PALS2: variants seen among roughly 807,000 people sequenced by gnomAD.
PALS2 encodes the protein protein associated with LIN7 2, MAGUK p55 family member, also known as protein PALS2.
PALS2 carries 27 observed loss-of-function variants against 61.6 expected under a neutral mutation model. That is an observed-to-expected ratio of 0.44 (90% CI 0.32 to 0.60). The LOEUF is 0.60. PALS2 is among the 20% of genes least tolerant of loss of function. PALS2 has a pLI of 0.05. For missense variants in PALS2, 554 were observed against 639.4 expected, an observed-to-expected ratio of 0.87 and a Z score of 1.44; for synonymous variants, 236 against 218.6, an observed-to-expected ratio of 1.08 and a Z score of -0.70.
chr7:24,672,431 A>C (rs749913411), intron 9 of PALS2, among the ~76,000 whole-genome samples: 2 of 151,760 alleles, frequency 1.3e-5, no homozygotes, highest in African/African-American at 4.8e-5. Context: ...TGCTTTCACC[A>C]TGTTGGCCAG....
At position 24,687,412 on chromosome 7, in the gene PALS2, C is replaced by T. The variant is rs1384209711; in HGVS notation, c.1447-26C>T. 6.3e-7 allele frequency: 1 copy of T among 1,582,232 alleles called. No individual in the cohort carries two copies. Among genetic ancestry groups the T allele is most frequent in the South Asian group, 1.1e-5 (1 of 86,960 alleles). On this transcript the variant is annotated intron_variant, in intron 11 of 11. Transcript: ENST00000222644. The surrounding 1 kb of genome is among the most constrained non-coding windows in gnomAD (Gnocchi z 4.5). ...AAGTAAATATGCATTGTAATACAAACATTTCCTTTTAAAACTCTTCAACAG... is the reference window on the plus strand; with the variant it reads ...AAGTAAATATGCATTGTAATACAAATATTTCCTTTTAAAACTCTTCAACAG...
At chr7:24,606,187 TATGAATGAA>T (rs1783891933) in intron 1 of PALS2, among the ~76,000 whole-genome samples, 2 of 152,220 alleles carry the variant, frequency 1.3e-5, no homozygotes, top group Non-Finnish European at 2.9e-5. Context: ...TAAGAATTAC[TATGAATGAA>T]ACTTATTAAC....
chr7:24,671,148 G>C (rs1428267567), intron 9 of PALS2, among the ~76,000 whole-genome samples: 1 of 152,174 alleles, frequency 6.6e-6, no homozygotes, highest in Non-Finnish European at 1.5e-5. Context: ...AATCCCAGCA[G>C]CATATGAAGT....
intron 8 of PALS2, 48 bp from the exon 9 acceptor site, chr7:24,668,451 C>A: frequency 6.6e-7 from 1 of 1,514,668 alleles, no homozygotes; most frequent in South Asian, 1.2e-5. Context: ...AGATTTCTTT[C>A]ATGTATATAA....
rs150900716 is a variant in PALS2 at position 24,640,737 on chromosome 7, G to A, written c.118-979G>A. Among the ~76,000 whole-genome samples, 213 of 151,632 alleles carry A rather than the reference G, an allele frequency of 1.4e-3. No homozygotes were observed. In the South Asian group the frequency reaches 0.017, roughly 12 times the overall value. On this transcript the variant is annotated intron_variant, in intron 2 of 11. Coordinates refer to ENST00000222644, the MANE Select transcript of PALS2 (RefSeq NM_001303037.2). ...ATTAGAATTACTTTCGGCCGAGGGC[G>A]GTGGCTCATGCCTGTAATCCCAGCA...
intron 9 of PALS2, chr7:24,674,643 T>C (rs1279360187): frequency 6.6e-6 from 1 of 152,244 alleles, no homozygotes; most frequent in Non-Finnish European, 1.5e-5. Flanking sequence ...CTTTCACTTG[T>C]GATTGCTTGT....
chr7:24,617,312 T>C (rs1231590503), intron 1 of PALS2, among the ~76,000 whole-genome samples: 1 of 152,218 alleles, frequency 6.6e-6, no homozygotes. Flanking sequence ...ATCATGTATC[T>C]ATTATTTTGT....
chr7:24,602,849 T>A (rs1295368180), intron 1 of PALS2, among the ~76,000 whole-genome samples: 1 of 152,066 alleles, frequency 6.6e-6, no homozygotes, highest in African/African-American at 2.4e-5. Flanking sequence ...ATGAGGGTGG[T>A]TTCCTGTTCT....
intron 3 of PALS2, among the ~76,000 whole-genome samples, chr7:24,644,027 C>G (rs2128073153): frequency 6.6e-6 from 1 of 151,360 alleles, no homozygotes; most frequent in Non-Finnish European, 1.5e-5. Context: ...ATTCTGTTCT[C>G]TATCAACCAT....
chr7:24,587,531 AT>A (rs11310808), intron 1 of PALS2, among the ~76,000 whole-genome samples: 56,681 of 140,854 alleles, frequency 0.4, 11,027 homozygotes, highest in Middle Eastern at 0.47. Context: ...TGCCCAGCTA[AT>A]TTTTTTTTTT....
rs1427630418 is a variant in PALS2 at position 24,641,706 on chromosome 7, A to G, written c.118-10A>G. On this transcript the variant is annotated splice_polypyrimidine_tract_variant and intron_variant, in intron 2 of 11. Coordinates refer to ENST00000222644, the MANE Select transcript of PALS2 (RefSeq NM_001303037.2). The stretch of plus-strand genomic sequence containing the variant: ...AGTATTACTACTTTAATATACTCTT[A>G]TTTTTTCAGGCTCATGAGAGGCTAG... The G allele has an allele frequency of 6.3e-7, 1 of 1,584,890 alleles. No homozygotes were observed. Among genetic ancestry groups the G allele is most frequent in the Non-Finnish European group, 8.6e-7 (1 of 1,167,400 alleles).
chr7:24,653,341 T>A (rs73079918), intron 5 of PALS2, among the ~76,000 whole-genome samples: 3,286 of 151,844 alleles, frequency 0.022, 85 homozygotes, highest in Admixed American at 0.032. Context: ...CAATGATTTT[T>A]AAAAAATGAT....
intron 1 of PALS2, among the ~76,000 whole-genome samples, chr7:24,615,573 A>G (rs1784265885): frequency 6.6e-6 from 1 of 151,920 alleles, no homozygotes; most frequent in Admixed American, 6.6e-5. Context: ...CCAACAATGT[A>G]TGATACGACT....
chr7:24,680,397 G>A lies in PALS2; in HGVS notation c.1323G>A (p.Leu441=). The A allele has an allele frequency of 6.2e-7, 1 of 1,612,016 alleles. No individual in the cohort carries two copies. ...TCILDVNPQA[L]KVLRTSEFMP... ...ATAATTATTCTTTTACACAGGCACT[G>A]AAAGTATTGAGGACATCAGAGTTTA... Residue 441 remains leucine, a synonymous_variant, in exon 11 of 12, where the codon CTG becomes CTA. Transcript: ENST00000222644.
chr7:24,653,504 ACC>A (rs951839138), intron 5 of PALS2, among the ~76,000 whole-genome samples: 2 of 152,090 alleles, frequency 1.3e-5, no homozygotes. Flanking sequence ...TCTAGTGCCA[ACC>A]CCAATACCCC....
chr7:24,598,641 G>A (rs1475107285), intron 1 of PALS2, among the ~76,000 whole-genome samples: 1 of 152,130 alleles, frequency 6.6e-6, no homozygotes, highest in South Asian at 2.1e-4. Context: ...CACTGAGTTA[G>A]GACCTCTTTG....
intron 5 of PALS2, among the ~76,000 whole-genome samples, chr7:24,662,295 C>T (rs1562649912): frequency 6.6e-6 from 1 of 152,082 alleles, no homozygotes; most frequent in Non-Finnish European, 1.5e-5. Context: ...AATATGTCTA[C>T]TTGTGTTATT....
intron 2 of PALS2, among the ~76,000 whole-genome samples, chr7:24,630,227 G>A (rs945509971): frequency 2.0e-5 from 3 of 152,088 alleles, no homozygotes; most frequent in Non-Finnish European, 4.4e-5. Context: ...TAACACAGGA[G>A]CAGAAAACCA....
In PALS2 at chr7:24,664,583, ATCTACT is replaced by A. The variant is rs1480324616; in HGVS notation, c.783+867_783+872del. Among the ~76,000 whole-genome samples, 3 of 152,266 alleles carry A rather than the reference ATCTACT, an allele frequency of 2.0e-5. No homozygotes were observed. The East Asian group carries it at 5.8e-4, about 29-fold the overall frequency. On this transcript the variant is annotated intron_variant, in intron 6 of 11. Transcript: ENST00000222644. Reference sequence around the variant, plus strand: ...AACTCACATTAGCTCTAAATTATAGATCTACTTCTAAGGAGAAACAAATCACAGAAT... The same window carrying A: ...AACTCACATTAGCTCTAAATTATAGATCTAAGGAGAAACAAATCACAGAAT...
Sources: allele counts gnomAD v4.1 joint callset (sites outside exome capture counted in the v4.1 genomes callset), GRCh38; gene constraint gnomAD v4.1.1; non-coding constraint Gnocchi (gnomAD v3.1); transcripts MANE v1.5; gene names NCBI Gene and HGNC (gene_info 2026-07-23, HGNC 2026-07-21).